Variants in AKAP10 observed in about 807,000 individuals in gnomAD.
AKAP10 encodes A-kinase anchor protein 10, mitochondrial.
AKAP10 carries 24 observed loss-of-function variants against 80.8 expected under a neutral mutation model. The observed-to-expected ratio is 0.30, with a 90% CI of 0.22 to 0.42. The LOEUF is 0.42. AKAP10 is among the 10% of genes least tolerant of loss of function. The pLI, the probability that AKAP10 is intolerant of heterozygous loss-of-function variation, is 1.00. For synonymous variants in AKAP10, 291 were observed against 277.7 expected (o/e 1.05, Z -0.48); for missense variants, 661 against 794.9 (o/e 0.83, Z 2.03).
intron 10 of AKAP10, among the ~76,000 whole-genome samples, 172 bp from the exon 11 acceptor site, chr17:19,924,689 A>G (rs2152411790): frequency 6.6e-6 from 1 of 152,306 alleles, no homozygotes; most frequent in Middle Eastern, 3.4e-3. Context: ...ACCTCATACT[A>G]TAGCTAAAAG....
At chr17:19,922,288 G>GA (rs1417707720) in intron 11 of AKAP10, among the ~76,000 whole-genome samples, 1 of 152,128 alleles carries the variant, frequency 6.6e-6, no homozygotes, top group African/African-American at 2.4e-5. Context: ...TCTTATTTTA[G>GA]AGATATCTTC....
intron 3 of AKAP10, among the ~76,000 whole-genome samples, chr17:19,961,113 A>T (rs2043343734): frequency 6.6e-6 from 1 of 151,696 alleles, no homozygotes; most frequent in African/African-American, 2.4e-5. Flanking sequence ...AGGCCTACGC[A>T]AGTGGATCGC....
chr17:19,975,673 ATC>A (rs2043556046), intron 1 of AKAP10, among the ~76,000 whole-genome samples: 1 of 152,218 alleles, frequency 6.6e-6, no homozygotes, highest in South Asian at 2.1e-4. Context: ...CTTATTTATT[ATC>A]TGTCTACCCC....
intron 10 of AKAP10, 72 bp downstream of exon 10, chr17:19,931,733 A>C: frequency 6.8e-7 from 1 of 1,470,328 alleles, no homozygotes; most frequent in African/African-American, 1.4e-5. Context: ...AAATAATAGG[A>C]TCTGTTACTG....
intron 5 of AKAP10, chr17:19,947,088 G>A (rs1195787567): frequency 1.0e-5 from 3 of 300,946 alleles, no homozygotes; most frequent in South Asian, 3.7e-5. Flanking sequence ...GCACTGGTGC[G>A]GGGCTGCCGG....
chr17:19,935,039 A>AATC (rs1567759722), intron 9 of AKAP10, among the ~76,000 whole-genome samples: 131 of 149,876 alleles, frequency 8.7e-4, no homozygotes, highest in Non-Finnish European at 5.8e-4. Flanking sequence ...ATCAATCAAT[A>AATC]AACAGAATTT....
intron 5 of AKAP10, among the ~76,000 whole-genome samples, chr17:19,946,273 A>AT (rs2043127678): frequency 3.0e-4 from 6 of 19,810 alleles, no homozygotes; most frequent in Admixed American, 1.1e-3. Flanking sequence ...ATATATATAT[A>AT]TATTTTTTTT....
rs560340865 is a variant in AKAP10, at chr17:19,932,637, T to C, written c.1468-659A>G. ...AAATGTTAAAGTCTTTGTGCATATATTGATTTTACTTTCAAACTGATTTCC... is the reference window on the plus strand; with the variant it reads ...AAATGTTAAAGTCTTTGTGCATATACTGATTTTACTTTCAAACTGATTTCC... On this transcript the variant is annotated intron_variant, in intron 9 of 14. Coordinates refer to ENST00000225737, the MANE Select transcript of AKAP10 (RefSeq NM_007202.4). Among the ~76,000 whole-genome samples the C allele has an allele frequency of 5.3e-5, 8 of 152,208 alleles. No individual in the cohort carries two copies. The East Asian group carries it at 1.5e-3, about 29-fold the overall frequency.
intron 1 of AKAP10, among the ~76,000 whole-genome samples, chr17:19,975,598 G>C (rs1056325068): frequency 6.6e-6 from 1 of 152,086 alleles, no homozygotes; most frequent in Admixed American, 6.6e-5. Flanking sequence ...TACTCAACTT[G>C]TAAGTATACA....
intron 10 of AKAP10, among the ~76,000 whole-genome samples, chr17:19,927,088 G>A (rs1194918583): frequency 6.6e-6 from 1 of 152,202 alleles, no homozygotes; most frequent in African/African-American, 2.4e-5. Context: ...TGTAATCCCA[G>A]CACTCTGGGA....
intron 6 of AKAP10, 106 bp from the exon 7 acceptor site, chr17:19,941,116 G>T: frequency 8.4e-7 from 1 of 1,186,734 alleles, no homozygotes; most frequent in Non-Finnish European, 1.2e-6. Flanking sequence ...TAAAGGCCTA[G>T]GTCAACACTA....
At chr17:19,941,982 T>C in intron 5 of AKAP10, 72 bp from the exon 6 acceptor site, 1 of 1,390,790 alleles carries the variant, frequency 7.2e-7, no homozygotes, top group Non-Finnish European at 9.9e-7. Flanking sequence ...TGAATCAACT[T>C]GGGAGTTAAC....
intron 8 of AKAP10, 58 bp from the exon 9 acceptor site, chr17:19,936,488 T>C: frequency 2.0e-6 from 3 of 1,503,146 alleles, no homozygotes; most frequent in South Asian, 1.3e-5. Context: ...TAAGCAACTT[T>C]CAGCACCTCC....
At chr17:19,969,600 A>T (rs1371178614) in intron 1 of AKAP10, among the ~76,000 whole-genome samples, 1 of 152,108 alleles carries the variant, frequency 6.6e-6, no homozygotes, top group African/African-American at 2.4e-5. Context: ...AGAAATGCCA[A>T]AACGTGCCCA....
chr17:19,910,070 G>A, intron 12 of AKAP10, 92 bp from the exon 13 acceptor site: 6 of 1,279,052 alleles, frequency 4.7e-6, no homozygotes, highest in Non-Finnish European at 5.6e-6. Context: ...GTTCATGCCT[G>A]TAATTCCAGC....
At chr17:19,921,797 C>T (rs1186743157) in intron 11 of AKAP10, among the ~76,000 whole-genome samples, 1 of 152,094 alleles carries the variant, frequency 6.6e-6, no homozygotes, top group Non-Finnish European at 1.5e-5. Context: ...CTTAAATACT[C>T]ATTGATACCA....
At chr17:19,936,091 G>A (rs2042989265) in intron 9 of AKAP10, 195 bp downstream of exon 9, 1 of 477,608 alleles carries the variant, frequency 2.1e-6, no homozygotes, top group Admixed American at 3.7e-5. Flanking sequence ...CGTACACGCA[G>A]TCCACTGTTG....
chr17:19,920,013 T>C, intron 12 of AKAP10, 23 bp downstream of exon 12: 1 of 1,585,202 alleles, frequency 6.3e-7, no homozygotes, highest in African/African-American at 1.3e-5. Context: ...AGGCTTAATA[T>C]GAAGTATAAA....
rs766692726 is a variant in AKAP10 at position 19,968,415 on chromosome 17, T to A, written c.135A>T (p.Lys45Asn). The change falls in exon 2 of 15, where the codon AAA becomes AAT. Residue 45 changes from lysine (K) to asparagine (N), a missense_variant and splice_region_variant. Coordinates refer to ENST00000225737, the MANE Select transcript of AKAP10 (RefSeq NM_007202.4). ...QEKTSDVKSI[K>N]ASISVHSPQK... is the part of the protein sequence containing the mutation. The stretch of plus-strand genomic sequence containing the variant: ...TGGACTGCCAAGGGCAGAACTTACC[T>A]TTAATGGACTTCACATCTGAGGTCT... The A allele has an allele frequency of 1.2e-6, 2 of 1,613,484 alleles. No homozygotes were observed. The highest frequency in any genetic ancestry group is 2.2e-5 in the South Asian group (2 of 90,932).
Sources: allele counts gnomAD v4.1 joint callset (sites outside exome capture counted in the v4.1 genomes callset), GRCh38; gene constraint gnomAD v4.1.1; transcripts MANE v1.5; gene names NCBI Gene and HGNC (gene_info 2026-07-23, HGNC 2026-07-21).